The following FAM83G variants were observed in gnomAD, a reference collection of about 807,000 sequenced individuals.
FAM83G encodes protein FAM83G.
A neutral mutation model predicts 61.5 loss-of-function variants in FAM83G; 38 were observed. The observed-to-expected ratio is 0.62, with a 90% CI of 0.48 to 0.81. The LOEUF is 0.81. Among genes scored for constraint, FAM83G ranks in the 30% least tolerant of loss-of-function variants. FAM83G has a pLI of 0.00. For synonymous variants in FAM83G, 470 were observed against 476.1 expected, an observed-to-expected ratio of 0.99 and a Z score of 0.17; for missense variants, 989 against 1,133.6, an observed-to-expected ratio of 0.87 and a Z score of 1.83.
chr17:18,993,582 T>C (rs953187404), intron 2 of FAM83G, among the ~76,000 whole-genome samples: 5 of 152,144 alleles, frequency 3.3e-5, no homozygotes, highest in African/African-American at 1.2e-4. Flanking sequence ...GGAGGACAGA[T>C]ACCCTCAAGC....
rs1353155845 is a variant in FAM83G at position 19,000,720 on chromosome 17, T to C, written c.522+2800A>G. Among the ~76,000 whole-genome samples, 5 of 152,144 alleles carry C rather than the reference T, an allele frequency of 3.3e-5. No individual in the cohort carries two copies. The highest frequency in any genetic ancestry group is 7.4e-5 in the Non-Finnish European group (5 of 67,994). On this transcript the variant is annotated intron_variant, in intron 2 of 5. Coordinates refer to ENST00000388995, the MANE Select transcript of FAM83G (RefSeq NM_001039999.3). This position sits in a 1 kb window ranked among gnomAD's most constrained non-coding sequence, Gnocchi z 5.2. ...GGCCCAGGCAGAGGGATCCCCATCCTAGGCAGGGGGCAGGCAGAGTTCTCC... is the reference window on the plus strand; with the variant it reads ...GGCCCAGGCAGAGGGATCCCCATCCCAGGCAGGGGGCAGGCAGAGTTCTCC...
chr17:18,978,215 T>TG lies in FAM83G; in HGVS notation c.1450dup (p.Gln484ProfsTer7), dbSNP rs746975174. The TG allele has an allele frequency of 6.3e-7, 1 of 1,575,380 alleles. No individual in the cohort carries two copies. Reference sequence around the variant, plus strand: ...GCCGTTCTCAGCTGGGACACCGTCCTGGGGGGCACTGGGCTCTGGGGGAGG... The same window carrying TG: ...GCCGTTCTCAGCTGGGACACCGTCCTGGGGGGGCACTGGGCTCTGGGGGAGG... On this transcript the variant is annotated frameshift_variant, in exon 5 of 6. Coordinates refer to ENST00000388995, the MANE Select transcript of FAM83G (RefSeq NM_001039999.3). LOFTEE classifies it high-confidence loss of function.
intron 2 of FAM83G, among the ~76,000 whole-genome samples, chr17:18,993,804 C>T (rs1452497087): frequency 6.6e-6 from 1 of 152,256 alleles, no homozygotes; most frequent in East Asian, 1.9e-4. Flanking sequence ...GATCTCAGCT[C>T]CTCCTGGGAA....
intron 5 of FAM83G, among the ~76,000 whole-genome samples, chr17:18,973,698 G>A (rs1045953637): frequency 2.6e-5 from 4 of 151,916 alleles, no homozygotes; most frequent in African/African-American, 9.7e-5. Context: ...AGACCATAGG[G>A]GTGTTTTGCT....
At chr17:18,985,140 G>T (rs1046761759) in intron 3 of FAM83G, among the ~76,000 whole-genome samples, 2 of 152,236 alleles carry the variant, frequency 1.3e-5, no homozygotes, top group Admixed American at 6.5e-5. Context: ...GACCAGAGCT[G>T]CGTCTCATGG....
In FAM83G at chr17:18,996,022, A is replaced by G. The variant is rs1222615218; in HGVS notation, c.522+7498T>C. Among the ~76,000 whole-genome samples, 1 of 152,152 alleles carries G rather than the reference A, an allele frequency of 6.6e-6. No homozygotes were observed. On this transcript the variant is annotated intron_variant, in intron 2 of 5. Coordinates refer to ENST00000388995, the MANE Select transcript of FAM83G (RefSeq NM_001039999.3). The surrounding 1 kb of genome is among the most constrained non-coding windows in gnomAD (Gnocchi z 4.4). ...AAAGTCAGTAACAAAGAGAGCGTTA[A>G]AAACAACCAGAAGAGAAAAGACAAC...
chr17:18,992,649 G>A (rs980146670), intron 2 of FAM83G, among the ~76,000 whole-genome samples: 2 of 152,308 alleles, frequency 1.3e-5, no homozygotes, highest in African/African-American at 4.8e-5. Context: ...CAGCACCGGC[G>A]CCCAAGCTCT....
Position 19,004,011 on chromosome 17 carries a change from C to G in FAM83G, c.31G>C (p.Asp11His), listed in dbSNP as rs753502256. The change falls in exon 2 of 6, where the codon GAC becomes CAC. Residue 11 changes from aspartate to histidine, a missense_variant. Physicochemically the swap from Asp to His is moderately conservative, Grantham distance 81. Coordinates refer to ENST00000388995, the MANE Select transcript of FAM83G (RefSeq NM_001039999.3). The surrounding 1 kb of genome is among the most constrained non-coding windows in gnomAD (Gnocchi z 5.4). Reference protein sequence around the residue: MAFSQVQCLDDNHVNWRSSES... With the variant: MAFSQVQCLDHNHVNWRSSES... ...CTGGAGCGCCAGTTCACATGGTTGT[C>G]GTCCAGACACTGCACCTGAGAGAAG... 3.1e-6 allele frequency: 5 copies of G among 1,608,630 alleles called. No homozygotes were observed. Among genetic ancestry groups the G allele is most frequent in the Non-Finnish European group, 4.2e-6 (5 of 1,177,438 alleles).
In FAM83G at chr17:18,996,585, A is replaced by G. The variant is rs530783953; in HGVS notation, c.522+6935T>C. On this transcript the variant is annotated intron_variant, in intron 2 of 5. Coordinates refer to ENST00000388995, the MANE Select transcript of FAM83G (RefSeq NM_001039999.3). This position sits in a 1 kb window ranked among gnomAD's most constrained non-coding sequence, Gnocchi z 4.4. ...TCATCTTGCCTCCCAGGGTAAAGGG[A>G]GTCTGTGTACTTGGTAACAAATGCT... 3.0e-4 allele frequency among the ~76,000 whole-genome samples: 46 copies of G among 152,000 alleles called. No homozygotes were observed. The highest frequency in any genetic ancestry group is 1.1e-3 in the African/African-American group (45 of 41,460).
chr17:18,982,759 G>A (rs1486127364), intron 3 of FAM83G, among the ~76,000 whole-genome samples: 1 of 152,256 alleles, frequency 6.6e-6, no homozygotes, highest in East Asian at 1.9e-4. Context: ...GTGCGAGGCA[G>A]AGGGGGCTGA....
rs1484026125 is a variant in FAM83G, at chr17:18,971,877, A to G, written c.2083-129T>C. ...CTCCTGGCTCTGCCATTCACCAGGG[A>G]GTGGGCCTAGACCAGTTGGTTTAGT... On this transcript the variant is annotated intron_variant, in intron 5 of 5. Transcript: ENST00000388995. The surrounding 1 kb of genome is among the most constrained non-coding windows in gnomAD (Gnocchi z 5.5). 1 of 969,172 alleles carries G rather than the reference A, an allele frequency of 1.0e-6. No homozygotes were observed. Among genetic ancestry groups the G allele is most frequent in the Admixed American group, 2.9e-5 (1 of 34,540 alleles). The allele number at this position is 969,172 out of a possible 1,614,324, so 60.0% of individuals were successfully genotyped here.
chr17:18,972,827 C>G (rs1335599183), intron 5 of FAM83G, among the ~76,000 whole-genome samples: 1 of 151,468 alleles, frequency 6.6e-6, no homozygotes, highest in African/African-American at 2.4e-5. Flanking sequence ...CGAGATTGTG[C>G]CACTGCACTC....
chr17:18,978,981 G>A, intron 4 of FAM83G, 131 bp from the exon 5 acceptor site: 3 of 1,014,630 alleles, frequency 3.0e-6, no homozygotes, highest in Non-Finnish European at 2.9e-6. Context: ...AATGGGGGCA[G>A]AGAGCAGGTG....
At position 19,004,195 on chromosome 17, in the gene FAM83G, G is replaced by T; in HGVS notation, c.-128-26C>A. The T allele has an allele frequency of 1.5e-6, 1 of 655,732 alleles. No individual in the cohort carries two copies. The highest frequency in any genetic ancestry group is 2.4e-6 in the Non-Finnish European group (1 of 424,254). 40.6% of individuals were successfully genotyped at this position (655,732 alleles called of 1,614,324 possible). A position where few individuals can be genotyped will look rare whatever the true frequency, so the allele number is the denominator to read the frequency against. ...CTGCGGGAAAGACCTGATGAGCCCG[G>T]CTCGGCGGGGAGGGCGGGCCGCGCG... is the stretch of plus-strand genomic sequence containing the variant. On this transcript the variant is annotated intron_variant, in intron 1 of 5. Transcript: ENST00000388995. The surrounding 1 kb of genome is among the most constrained non-coding windows in gnomAD (Gnocchi z 5.4).
At chr17:19,005,258 T>A (rs757491033), upstream of FAM83G, among the ~76,000 whole-genome samples, 1 of 152,048 alleles carries the variant, frequency 6.6e-6, no homozygotes, top group Non-Finnish European at 1.5e-5. Context: ...TAAGCCCTGA[T>A]CCCCTCTGGG....
chr17:18,971,009 C>T lies in FAM83G; in HGVS notation c.*350G>A. The T allele has an allele frequency of 6.2e-7, 1 of 1,613,888 alleles. No homozygotes were observed. Among genetic ancestry groups the T allele is most frequent in the South Asian group, 1.1e-5 (1 of 91,080 alleles). ...CTGTCCCTGTTCCACCCTGACCCCTCCAGCTTTTGACCAGATCGGTGGTTA... is the reference window on the plus strand; with the variant it reads ...CTGTCCCTGTTCCACCCTGACCCCTTCAGCTTTTGACCAGATCGGTGGTTA... On this transcript the variant is annotated 3_prime_UTR_variant, in exon 6 of 6. Transcript: ENST00000388995. This position sits in a 1 kb window ranked among gnomAD's most constrained non-coding sequence, Gnocchi z 5.5.
chr17:18,975,980 G>A (rs1302296238), intron 5 of FAM83G: 2 of 151,980 alleles, frequency 1.3e-5, no homozygotes, highest in African/African-American at 4.8e-5. Context: ...GAGGTCAGGA[G>A]ATCAAGACCA....
At chr17:18,972,118 T>C (rs1044329092) in intron 5 of FAM83G, among the ~76,000 whole-genome samples, 1 of 152,196 alleles carries the variant, frequency 6.6e-6, no homozygotes, top group African/African-American at 2.4e-5. Context: ...CTCAAGACCC[T>C]GTCACCAGCC....
rs2043780798 is a variant in FAM83G at position 19,003,348 on chromosome 17, G to A, written c.522+172C>T. Among the ~76,000 whole-genome samples the A allele has an allele frequency of 6.6e-6, 1 of 152,012 alleles. No homozygotes were observed. The highest frequency in any genetic ancestry group is 1.5e-5 in the Non-Finnish European group (1 of 67,984). ...AACCCTACCCTGCAAAGAAACTGCGGATCCCCACGAAGGTGGGGAGGAAAC... is the reference window on the plus strand; with the variant it reads ...AACCCTACCCTGCAAAGAAACTGCGAATCCCCACGAAGGTGGGGAGGAAAC... On this transcript the variant is annotated intron_variant, in intron 2 of 5. Transcript: ENST00000388995. The surrounding 1 kb of genome is among the most constrained non-coding windows in gnomAD (Gnocchi z 4.5).
Sources: allele counts gnomAD v4.1 joint callset (sites outside exome capture counted in the v4.1 genomes callset), GRCh38; gene constraint gnomAD v4.1.1; non-coding constraint Gnocchi (gnomAD v3.1); transcripts MANE v1.5; gene names NCBI Gene and HGNC (gene_info 2026-07-23, HGNC 2026-07-21).